The following RANBP3 variants were observed in gnomAD, a reference collection of about 807,000 sequenced individuals.
The protein encoded by RANBP3 is ran-binding protein 3.
In RANBP3, 14 loss-of-function variants were observed where a neutral mutation model predicts 77.3. The observed-to-expected ratio is 0.18, with a 90% confidence interval of 0.12 to 0.28. The LOEUF (loss-of-function observed/expected upper bound fraction) is 0.28. RANBP3 is among the 10% of genes least tolerant of loss of function. The pLI, the probability that RANBP3 is intolerant of heterozygous loss-of-function variation, is 1.00. For missense variants in RANBP3, 586 were observed against 752.3 expected (o/e 0.78, Z 2.59); for synonymous variants, 315 against 312.4 (o/e 1.01, Z -0.09).
intron 1 of RANBP3, among the ~76,000 whole-genome samples, chr19:5,964,505 G>A (rs1038574695): frequency 1.3e-5 from 2 of 152,104 alleles, no homozygotes; most frequent in Admixed American, 6.6e-5. Flanking sequence ...CTGGAGACAC[G>A]TCCCTGTCTG....
At chr19:5,945,951 G>A (rs902635477) in intron 3 of RANBP3, among the ~76,000 whole-genome samples, 3 of 151,808 alleles carry the variant, frequency 2.0e-5, no homozygotes, top group Non-Finnish European at 2.9e-5. Context: ...CTAGCCCCCC[G>A]AGAACGTACC....
chr19:5,973,682 CA>C (rs1409539825), intron 1 of RANBP3, among the ~76,000 whole-genome samples: 2 of 152,210 alleles, frequency 1.3e-5, no homozygotes, highest in African/African-American at 4.8e-5. Flanking sequence ...TTCACCCACA[CA>C]ATGGAGACTT....
rs1028496294 is a variant in RANBP3 at position 5,932,457 on chromosome 19, T to C, written c.560A>G (p.Gln187Arg). 1 of 1,613,758 alleles carries C rather than the reference T, an allele frequency of 6.2e-7. No homozygotes were observed. Among genetic ancestry groups the C allele is most frequent in the South Asian group, 1.1e-5 (1 of 91,080 alleles). The change falls in exon 7 of 17, where the codon CAG becomes CGG. Residue 187 changes from glutamine to arginine, a missense_variant. Around this residue, in one of 5 missense-constraint regions of RANBP3, gnomAD observed 232 missense variants for 271.7 expected, o/e 0.85. Transcript: ENST00000340578. The stretch of plus-strand genomic sequence containing the variant: ...CCAGGGCTGCTGTTTCTTACCAGTC[T>C]GGGACAGCGCCTTTGGCTGCGGAGC... ...LQAPQPKALSQTVPSSGTNGV... is the reference protein window; with the variant it reads ...LQAPQPKALSRTVPSSGTNGV...
At chr19:5,963,701 G>A (rs73920102) in intron 1 of RANBP3, among the ~76,000 whole-genome samples, 3,878 of 152,244 alleles carry the variant, frequency 0.025, 170 homozygotes, top group African/African-American at 0.09. Flanking sequence ...TGTGTGAAGC[G>A]GGGGAGATTC....
chr19:5,953,245 C>G (rs1324374055), intron 2 of RANBP3, among the ~76,000 whole-genome samples: 11 of 152,202 alleles, frequency 7.2e-5, no homozygotes, highest in Non-Finnish European at 1.3e-4. Flanking sequence ...ATTTTCTACT[C>G]AGGTCCTAGC....
rs748536328 is a variant in RANBP3, at chr19:5,928,123, C to T, written c.694-36G>A. The stretch of plus-strand genomic sequence containing the variant: ...CCAAAACAAAACAGAGTAATCAAAA[C>T]CAGTGCCACACTTGGCCCAGACGGA... On this transcript the variant is annotated intron_variant, in intron 8 of 16. Coordinates refer to ENST00000340578, the MANE Select transcript of RANBP3 (RefSeq NM_007322.3). The T allele has an allele frequency of 3.1e-6, 5 of 1,597,702 alleles. No homozygotes were observed. In the South Asian group the frequency reaches 4.5e-5, roughly 14 times the overall value.
At chr19:5,975,708 A>G (rs1299594909) in intron 1 of RANBP3, among the ~76,000 whole-genome samples, 5 of 148,824 alleles carry the variant, frequency 3.4e-5, no homozygotes, top group Non-Finnish European at 5.9e-5. Flanking sequence ...TGAACGGAAT[A>G]GAGAACATGG....
Position 5,916,299 on chromosome 19 carries a change from C to G in RANBP3, c.*1311G>C, listed in dbSNP as rs373528973. The G allele has an allele frequency of 2.6e-5, 4 of 152,474 alleles. No homozygotes were observed. The East Asian group carries it at 7.7e-4, about 29-fold the overall frequency. 9.4% of individuals were successfully genotyped at this position (152,474 alleles called of 1,614,324 possible). Reference sequence around the variant, plus strand: ...GGGTCTCTCGGGAGGGCCTCTGGTTCTTCCCGGGCTCAGGCTTGCTGGGGG... The same window carrying G: ...GGGTCTCTCGGGAGGGCCTCTGGTTGTTCCCGGGCTCAGGCTTGCTGGGGG... On this transcript the variant is annotated 3_prime_UTR_variant, in exon 17 of 17. Transcript: ENST00000340578.
intron 2 of RANBP3, among the ~76,000 whole-genome samples, chr19:5,955,893 T>G (rs1185400728): frequency 6.6e-6 from 1 of 152,104 alleles, no homozygotes; most frequent in Non-Finnish European, 1.5e-5. Flanking sequence ...ATTAAAGCCA[T>G]AAGTTCGAGA....
chr19:5,928,149 T>C (rs1056959341), intron 8 of RANBP3, 62 bp from the exon 9 acceptor site: 2 of 1,562,148 alleles, frequency 1.3e-6, no homozygotes, highest in African/African-American at 1.4e-5. Context: ...CCCAGACGGA[T>C]GCCCAGCAAT....
chr19:5,961,318 C>G (rs2058398268), intron 1 of RANBP3, among the ~76,000 whole-genome samples: 1 of 151,840 alleles, frequency 6.6e-6, no homozygotes, highest in South Asian at 2.1e-4. Context: ...TGGCAGGTGC[C>G]TTTAGTCCCA....
chr19:5,923,224 G>A lies in RANBP3; in HGVS notation c.1179C>T (p.Thr393=), dbSNP rs752625202. 1.4e-5 allele frequency: 23 copies of A among 1,614,032 alleles called. 2 individuals carry two copies. In the Middle Eastern group the frequency reaches 1.3e-3, roughly 92 times the overall value. ...ACACATTGCTCTCCGCCTCCTCCCC[G>A]GTGATGACTTCCACTTTTTCCAACA... is the stretch of plus-strand genomic sequence containing the variant. ...KCLLEKVEVI[T]GEEAESNVLQ... Residue 393 remains threonine, a synonymous_variant, in exon 13 of 17, where the codon ACC becomes ACT. Coordinates refer to ENST00000340578, the MANE Select transcript of RANBP3 (RefSeq NM_007322.3).
At chr19:5,948,907 G>C (rs2058241510) in intron 3 of RANBP3, among the ~76,000 whole-genome samples, 1 of 152,188 alleles carries the variant, frequency 6.6e-6, no homozygotes, top group Non-Finnish European at 1.5e-5. Flanking sequence ...ACATCAAACA[G>C]AGAACTTAAT....
At chr19:5,919,355 G>A (rs930427490) in intron 14 of RANBP3, among the ~76,000 whole-genome samples, 3 of 152,156 alleles carry the variant, frequency 2.0e-5, no homozygotes, top group African/African-American at 7.2e-5. Context: ...GCCTGGAGAC[G>A]GTCAGAAACT....
At chr19:5,936,051 C>G (rs1348492995) in intron 5 of RANBP3, among the ~76,000 whole-genome samples, 1 of 152,246 alleles carries the variant, frequency 6.6e-6, no homozygotes, top group Non-Finnish European at 1.5e-5. Flanking sequence ...TCGCCTGCCT[C>G]AGAGAGCCCC....
intron 2 of RANBP3, 129 bp from the exon 3 acceptor site, chr19:5,951,725 G>T: frequency 1.2e-6 from 1 of 811,338 alleles, no homozygotes; most frequent in East Asian, 2.7e-5. Context: ...GGAGGAAGAT[G>T]GGGAGAGCAG....
rs1354155874 is a variant in RANBP3, at chr19:5,959,281, G to C, written c.23-1308C>G. Among the ~76,000 whole-genome samples, 2 of 152,100 alleles carry C rather than the reference G, an allele frequency of 1.3e-5. No individual in the cohort carries two copies. The highest frequency in any genetic ancestry group is 2.9e-5 in the Non-Finnish European group (2 of 68,018). On this transcript the variant is annotated intron_variant, in intron 1 of 16. Transcript: ENST00000340578. This position sits in a 1 kb window ranked among gnomAD's most constrained non-coding sequence, Gnocchi z 5.1. ...GCAAACAGTTTGGGGAAGGGAGTGA[G>C]AGTGGCTGTGGGGAGACCAGGTGGG... is the stretch of plus-strand genomic sequence containing the variant.
chr19:5,936,019 G>A (rs2058059976), intron 5 of RANBP3, among the ~76,000 whole-genome samples: 1 of 152,244 alleles, frequency 6.6e-6, no homozygotes, highest in Non-Finnish European at 1.5e-5. Context: ...AAGCTGGCAG[G>A]CTCCCTGTCT....
chr19:5,951,635 A>G (rs760256832), intron 2 of RANBP3, 39 bp from the exon 3 acceptor site: 3 of 1,573,208 alleles, frequency 1.9e-6, no homozygotes, highest in Non-Finnish European at 2.6e-6. Context: ...AATGTGAATA[A>G]AGGCTGCATC....
Sources: allele counts gnomAD v4.1 joint callset (sites outside exome capture counted in the v4.1 genomes callset), GRCh38; gene constraint gnomAD v4.1.1; regional missense constraint gnomAD v4.1.1; non-coding constraint Gnocchi (gnomAD v3.1); transcripts MANE v1.5; gene names NCBI Gene and HGNC (gene_info 2026-07-23, HGNC 2026-07-21).